FDXR: variants seen among roughly 807,000 people sequenced by gnomAD.
FDXR encodes NADPH:adrenodoxin oxidoreductase, mitochondrial.
FDXR carries 38 observed loss-of-function variants against 58.3 expected under a neutral mutation model. That is an observed-to-expected ratio of 0.65 (90% CI 0.50 to 0.85). The LOEUF is 0.85. Ranked by LOEUF, FDXR falls within the 40% of genes least tolerant of loss-of-function variation. The pLI is 0.00. For synonymous variants in FDXR, 275 were observed against 273.8 expected (o/e 1.00, Z -0.04); for missense variants, 624 against 671.0 (o/e 0.93, Z 0.77).
intron 5 of FDXR, 24 bp from the exon 6 acceptor site, chr17:74,865,844 G>T: frequency 6.4e-7 from 1 of 1,574,052 alleles, no homozygotes; most frequent in Non-Finnish European, 8.7e-7. Flanking sequence ...GTCTTGATAG[G>T]GTCCCCCAGC....
intron 10 of FDXR, among the ~76,000 whole-genome samples, 186 bp from the exon 11 acceptor site, chr17:74,863,432 G>C (rs1004082055): frequency 2.0e-5 from 3 of 152,184 alleles, no homozygotes; most frequent in Non-Finnish European, 2.9e-5. Flanking sequence ...TTTTTACCAG[G>C]CCGACCCCCT....
At chr17:74,864,386 C>T (rs746189837) in intron 8 of FDXR, 39 bp from the exon 9 acceptor site, 6 of 1,592,816 alleles carry the variant, frequency 3.8e-6, no homozygotes, top group Non-Finnish European at 5.1e-6. Context: ...TGTCCCTGGG[C>T]CCCGGCCCTC....
intron 1 of FDXR, 139 bp downstream of exon 1, chr17:74,872,727 C>T: frequency 6.6e-7 from 1 of 1,518,328 alleles, no homozygotes; most frequent in Non-Finnish European, 8.8e-7. Context: ...CCCCGTACAC[C>T]ACCGGGATCT....
chr17:74,863,570 C>T (rs988230876), intron 10 of FDXR, among the ~76,000 whole-genome samples: 1 of 152,172 alleles, frequency 6.6e-6, no homozygotes, highest in Non-Finnish European at 1.5e-5. Context: ...GGTATGTGGG[C>T]ACTTAGTAAA....
chr17:74,864,667 C>A (rs2038105451), intron 7 of FDXR, 103 bp from the exon 8 acceptor site: 10 of 1,409,758 alleles, frequency 7.1e-6, no homozygotes, highest in Non-Finnish European at 9.9e-6. Context: ...CCACCACCCG[C>A]CTCCTCCCCA....
intron 2 of FDXR, chr17:74,868,317 T>G (rs1389601540): frequency 1.6e-6 from 1 of 608,818 alleles, no homozygotes; most frequent in African/African-American, 1.8e-5. Flanking sequence ...TGGGGAAAGT[T>G]TCTTCTCTGT....
intron 6 of FDXR, 109 bp downstream of exon 6, chr17:74,865,610 A>C: frequency 1.4e-6 from 1 of 695,028 alleles, no homozygotes; most frequent in Non-Finnish European, 2.5e-6. Context: ...GGGGAAACAG[A>C]GGCACTGAGC....
In FDXR at chr17:74,862,922, G is replaced by C. The variant is rs538544564; in HGVS notation, c.1371C>G (p.Asp457Glu). ...CCTCCTCGGCATCCAGCTTCTCCCA[G>C]TCTGAGAAAGAGACTGGCCGGACCC... ...SRGVRPVSFS[D>E]WEKLDAEEVA... is the part of the protein sequence containing the mutation. The change falls in exon 12 of 12, where the codon GAC (aspartate) becomes GAG (glutamate). Residue 457 changes from aspartate to glutamate, a missense_variant. Transcript: ENST00000293195. 3.1e-6 allele frequency: 5 copies of C among 1,612,692 alleles called. No individual in the cohort carries two copies. The East Asian group carries it at 1.1e-4, about 36-fold the overall frequency.
intron 6 of FDXR, among the ~76,000 whole-genome samples, chr17:74,865,362 G>C (rs2038140412): frequency 6.6e-6 from 1 of 152,110 alleles, no homozygotes; most frequent in South Asian, 2.1e-4. Context: ...GAGGCACGAT[G>C]GGGGAGTGGA....
rs56079045 is a variant in FDXR, at chr17:74,867,306, CAAAAAAAAAAAA to C, written c.178-442_178-431del. ...TGGGTGACAGAGCAAGACTCTGTCT[CAAAAAAAAAAAA>C]AAAAAAAAAAAAAAAGACGACGACG... On this transcript the variant is annotated intron_variant, in intron 2 of 11. Transcript: ENST00000293195. Among the ~76,000 whole-genome samples, 44 of 16,540 alleles carry C rather than the reference CAAAAAAAAAAAA, an allele frequency of 2.7e-3. 1 individual carries two copies. In the East Asian group the frequency reaches 0.067, roughly 25 times the overall value. The allele number at this position is 16,540 out of a possible 152,430, so 10.9% of individuals were successfully genotyped here.
chr17:74,862,683 T>C lies in FDXR; in HGVS notation c.*134A>G, dbSNP rs1037986896. 6.3e-6 allele frequency: 8 copies of C among 1,265,166 alleles called. No individual in the cohort carries two copies. The highest frequency in any genetic ancestry group is 5.1e-5 in the Admixed American group (2 of 39,462). The allele number at this position is 1,265,166 out of a possible 1,614,324, so 78.4% of individuals were successfully genotyped here. ...CTTCCCCAGGAGGGAGGAGAGACGC[T>C]GGAAGAGCAGCCAAGCCTCCAAGCC... is the stretch of plus-strand genomic sequence containing the variant. On this transcript the variant is annotated 3_prime_UTR_variant, in exon 12 of 12. Coordinates refer to ENST00000293195, the MANE Select transcript of FDXR (RefSeq NM_024417.5).
rs761138033 is a variant in FDXR at position 74,862,800 on chromosome 17, C to G, written c.*17G>C. 3.8e-6 allele frequency: 6 copies of G among 1,599,786 alleles called. No individual in the cohort carries two copies. Among genetic ancestry groups the G allele is most frequent in the Non-Finnish European group, 5.1e-6 (6 of 1,175,600 alleles). On this transcript the variant is annotated 3_prime_UTR_variant, in exon 12 of 12. Coordinates refer to ENST00000293195, the MANE Select transcript of FDXR (RefSeq NM_024417.5). ...CACTCATCCCTTCCCTGCTGGGGGC[C>G]GGGGCTGGGGCTGGGCTCAGTGGCC...
At chr17:74,872,406 A>G in intron 1 of FDXR, 1 of 794,300 alleles carries the variant, frequency 1.3e-6, no homozygotes, top group Non-Finnish European at 2.0e-6. Context: ...TCCCTATCCA[A>G]TCGGCTAGAA....
intron 8 of FDXR, 36 bp downstream of exon 8, chr17:74,864,444 C>G: frequency 6.2e-7 from 1 of 1,608,084 alleles, no homozygotes; most frequent in Non-Finnish European, 8.5e-7. Flanking sequence ...GCCACCCTCT[C>G]CCTAGTAGTT....
intron 3 of FDXR, 44 bp from the exon 4 acceptor site, chr17:74,866,612 G>A: frequency 1.2e-6 from 2 of 1,612,688 alleles, no homozygotes; most frequent in Non-Finnish European, 8.5e-7. Flanking sequence ...GGGTAAGGCA[G>A]CTCCAGGGAC....
Position 74,866,431 on chromosome 17 carries a change from C to T in FDXR, c.393+15G>A, listed in dbSNP as rs766169513. The T allele has an allele frequency of 5.0e-6, 8 of 1,612,282 alleles. No homozygotes were observed. In the Admixed American group the frequency reaches 1.3e-4, roughly 27 times the overall value. On this transcript the variant is annotated intron_variant, in intron 4 of 11. Transcript: ENST00000293195. ...CAGCCCCTGCCTCCCCAAGCCAGGG[C>T]CTAGCTGCACTCACCAGCACCACAG...
intron 2 of FDXR, among the ~76,000 whole-genome samples, chr17:74,871,312 T>G (rs895100589): frequency 6.6e-6 from 1 of 152,218 alleles, no homozygotes; most frequent in Non-Finnish European, 1.5e-5. Flanking sequence ...CACCCTACAT[T>G]TCAAGCATCT....
intron 2 of FDXR, chr17:74,868,516 C>T (rs1484673248): frequency 1.4e-6 from 2 of 1,446,364 alleles, no homozygotes; most frequent in East Asian, 2.5e-5. Flanking sequence ...AACTGCTCGG[C>T]CTAGAGGTCA....
chr17:74,870,329 C>A (rs1372632631), intron 2 of FDXR, among the ~76,000 whole-genome samples: 1 of 152,070 alleles, frequency 6.6e-6, no homozygotes, highest in Non-Finnish European at 1.5e-5. Flanking sequence ...CCAGCCTGAT[C>A]AACATGGTGA....
Sources: gnomAD v4.1 joint callset for allele counts (sites outside exome capture counted in the v4.1 genomes callset) on GRCh38, gnomAD v4.1.1 for gene constraint, MANE v1.5 for transcripts, NCBI Gene and HGNC (gene_info 2026-07-23, HGNC 2026-07-21) for gene names.